The following CNTN4 variants were observed in gnomAD, a reference collection of about 807,000 sequenced individuals.
CNTN4 encodes contactin-4.
In CNTN4, 77 loss-of-function variants were observed where a neutral mutation model predicts 122.5. That is an observed-to-expected ratio of 0.63 (90% confidence interval 0.52 to 0.76). The LOEUF (loss-of-function observed/expected upper bound fraction) is 0.76, where lower values mean the gene tolerates loss of function less well. CNTN4 is among the 30% of genes least tolerant of loss of function. The pLI is 0.00. For missense variants in CNTN4, 1,256 were observed against 1,259.1 expected (o/e 1.00, Z 0.04); for synonymous variants, 512 against 447.0 (o/e 1.15, Z -1.83).
intron 3 of CNTN4, among the ~76,000 whole-genome samples, chr3:2,452,979 G>T (rs1410138514): frequency 2.6e-5 from 4 of 151,968 alleles, no homozygotes; most frequent in Admixed American, 6.6e-5. Context: ...ACTTTACAAT[G>T]ATTTTAATTT....
In CNTN4 at chr3:2,735,554, C is replaced by T. The variant is rs138240034; in HGVS notation, c.56-661C>T. ...TGCACCTGTTATAGACCAGTTTGGGCGTTACTGAGTCATCTGTGGTACAGG... is the reference window on the plus strand; with the variant it reads ...TGCACCTGTTATAGACCAGTTTGGGTGTTACTGAGTCATCTGTGGTACAGG... On this transcript the variant is annotated intron_variant, in intron 4 of 24. Coordinates refer to ENST00000418658, the MANE Select transcript of CNTN4 (RefSeq NM_175607.3). Among the ~76,000 whole-genome samples, 816 of 152,288 alleles carry T rather than the reference C, an allele frequency of 5.4e-3. 8 individuals are homozygous for T. The highest frequency in any genetic ancestry group is 0.018 in the African/African-American group (767 of 41,570).
chr3:2,954,633 A>G (rs2094780205), intron 13 of CNTN4, among the ~76,000 whole-genome samples: 1 of 151,812 alleles, frequency 6.6e-6, no homozygotes, highest in African/African-American at 2.4e-5. Flanking sequence ...CAGTTCATAT[A>G]TTGAAGTCAG....
intron 14 of CNTN4, among the ~76,000 whole-genome samples, chr3:3,004,883 G>A (rs552553520): frequency 1.3e-5 from 2 of 152,304 alleles, no homozygotes; most frequent in Admixed American, 6.5e-5. Context: ...AGCTCTTCAG[G>A]GGTCAGCTGG....
At chr3:2,605,992 G>C (rs946348255) in intron 4 of CNTN4, among the ~76,000 whole-genome samples, 1 of 152,196 alleles carries the variant, frequency 6.6e-6, no homozygotes, top group Non-Finnish European at 1.5e-5. Context: ...GCTAAGGCCT[G>C]AGCCAAGAGG....
intron 4 of CNTN4, among the ~76,000 whole-genome samples, chr3:2,635,251 C>G (rs2082613946): frequency 6.6e-6 from 1 of 151,940 alleles, no homozygotes; most frequent in South Asian, 2.1e-4. Context: ...CTGACAATCT[C>G]CAAAGAAAGA....
At chr3:2,405,981 C>A (rs965421492) in intron 3 of CNTN4, among the ~76,000 whole-genome samples, 1 of 151,092 alleles carries the variant, frequency 6.6e-6, no homozygotes, top group Non-Finnish European at 1.5e-5. Flanking sequence ...GAGTGGAGAT[C>A]ACGTCACTGA....
chr3:2,113,648 C>T (rs2033128572), intron 2 of CNTN4, among the ~76,000 whole-genome samples: 1 of 151,904 alleles, frequency 6.6e-6, no homozygotes. Flanking sequence ...AGGATAGGTA[C>T]AGTTGAGTTT....
chr3:2,120,405 A>ATT (rs57112843), intron 2 of CNTN4, among the ~76,000 whole-genome samples: 3,008 of 40,414 alleles, frequency 0.074, 206 homozygotes, highest in Non-Finnish European at 0.1. Flanking sequence ...ATATATATAT[A>ATT]TTTTTTTTTT....
intron 3 of CNTN4, among the ~76,000 whole-genome samples, chr3:2,360,751 C>G (rs2045099948): frequency 1.3e-5 from 2 of 152,118 alleles, no homozygotes; most frequent in Admixed American, 1.3e-4. Flanking sequence ...CTCTCACTAT[C>G]CGGAGAACAG....
intron 2 of CNTN4, among the ~76,000 whole-genome samples, chr3:2,153,419 T>C (rs1405644806): frequency 2.6e-5 from 4 of 152,210 alleles, no homozygotes; most frequent in Admixed American, 2.6e-4. Context: ...TGCCAAGAAT[T>C]GGTCATTGGA....
chr3:2,478,407 TG>T (rs1288954616), intron 3 of CNTN4, among the ~76,000 whole-genome samples: 840 of 15,590 alleles, frequency 0.054, 4 homozygotes, highest in African/African-American at 0.088. Flanking sequence ...TTTATCTGTT[TG>T]TTTTTTTTTT....
At chr3:2,920,129 T>G (rs1489122396) in intron 12 of CNTN4, among the ~76,000 whole-genome samples, 2 of 151,762 alleles carry the variant, frequency 1.3e-5, no homozygotes, top group African/African-American at 2.4e-5. Flanking sequence ...CATACCAGCA[T>G]GTAATACTCA....
intron 2 of CNTN4, among the ~76,000 whole-genome samples, chr3:2,246,654 A>G (rs2040164720): frequency 6.6e-6 from 1 of 152,064 alleles, no homozygotes; most frequent in African/African-American, 2.4e-5. Context: ...AAGAAAAATA[A>G]AAATTAAAAG....
At chr3:3,029,820 G>A (rs1699019979) in intron 15 of CNTN4, among the ~76,000 whole-genome samples, 1 of 152,126 alleles carries the variant, frequency 6.6e-6, no homozygotes, top group Admixed American at 6.5e-5. Context: ...TGAGTATTTA[G>A]TGAGTTTAAT....
chr3:3,022,071 C>CAA (rs36094888), intron 14 of CNTN4, among the ~76,000 whole-genome samples: 389 of 110,598 alleles, frequency 3.5e-3, no homozygotes, highest in African/African-American at 0.013. Flanking sequence ...ACCAAGAATT[C>CAA]AAAAAAAAAA....
At chr3:2,339,310 T>G (rs1295117896) in intron 3 of CNTN4, 77 bp downstream of exon 3, 1 of 152,162 alleles carries the variant, frequency 6.6e-6, no homozygotes, top group East Asian at 1.9e-4. Context: ...ATGGAAACAT[T>G]GAAAACCTTC....
intron 2 of CNTN4, among the ~76,000 whole-genome samples, chr3:2,171,553 G>A (rs768437703): frequency 6.6e-6 from 1 of 152,112 alleles, no homozygotes; most frequent in African/African-American, 2.4e-5. Context: ...AAAAAGTAGA[G>A]CTATTTCCAA....
intron 4 of CNTN4, among the ~76,000 whole-genome samples, chr3:2,713,890 A>G (rs965293222): frequency 1.3e-5 from 2 of 152,238 alleles, no homozygotes; most frequent in African/African-American, 4.8e-5. Context: ...TTAAGTGTTC[A>G]CAAAGTCTCA....
chr3:2,474,951 A>C (rs1235877474), intron 3 of CNTN4, among the ~76,000 whole-genome samples: 2 of 152,170 alleles, frequency 1.3e-5, no homozygotes, highest in African/African-American at 4.8e-5. Flanking sequence ...TAGACAGCTA[A>C]ATTGTTTTTA....
Sources: allele counts gnomAD v4.1 joint callset (sites outside exome capture counted in the v4.1 genomes callset), GRCh38; gene constraint gnomAD v4.1.1; transcripts MANE v1.5; gene names NCBI Gene and HGNC (gene_info 2026-07-23, HGNC 2026-07-21).